The following EHD2 variants were observed in gnomAD, a reference collection of about 807,000 sequenced individuals.
EHD2 encodes the protein EH domain-containing protein 2.
EHD2 carries 27 observed loss-of-function variants against 41.0 expected under a neutral mutation model. That is an observed-to-expected ratio of 0.66 (90% confidence interval 0.49 to 0.91). EHD2 has a LOEUF of 0.91. Among genes scored for constraint, EHD2 ranks in the 40% least tolerant of loss-of-function variants. The pLI, the probability that EHD2 is intolerant of heterozygous loss-of-function variation, is 0.00. For synonymous variants in EHD2, 342 were observed against 341.0 expected, an observed-to-expected ratio of 1.00 and a Z score of -0.03; for missense variants, 673 against 773.9, an observed-to-expected ratio of 0.87 and a Z score of 1.55.
intron 2 of EHD2, among the ~76,000 whole-genome samples, chr19:47,717,742 A>G (rs924571125): frequency 6.6e-6 from 1 of 151,148 alleles, no homozygotes; most frequent in African/African-American, 2.4e-5. Context: ...CCCCGTCTCT[A>G]CCAAAAACAC....
chr19:47,716,693 G>T lies in EHD2; in HGVS notation c.81G>T (p.Glu27Asp), dbSNP rs1484531464. The change falls in exon 2 of 6, where the codon GAG becomes GAT. Residue 27 changes from glutamate (E) to aspartate (D), a missense_variant. By Grantham distance (45) the Glu-to-Asp change is conservative. Transcript: ENST00000263277. The part of the protein sequence containing the change: ...AIRTVTSALK[E>D]LYRTKLLPLE... ...GCACGGTGACCTCGGCCCTCAAGGA[G>T]CTGTACCGCACGAAGCTGCTGCCGC... 6.2e-7 allele frequency: 1 copy of T among 1,611,628 alleles called. No homozygotes were observed. Among genetic ancestry groups the T allele is most frequent in the Admixed American group, 1.7e-5 (1 of 59,816 alleles).
chr19:47,729,305 T>C (rs1973784378), intron 4 of EHD2, among the ~76,000 whole-genome samples: 1 of 152,018 alleles, frequency 6.6e-6, no homozygotes, highest in African/African-American at 2.4e-5. Context: ...GTGGCTGAGA[T>C]CAGAGGTGGT....
chr19:47,722,009 A>AACACACAC (rs201572396), intron 3 of EHD2, among the ~76,000 whole-genome samples: 275 of 130,732 alleles, frequency 2.1e-3, no homozygotes, highest in Non-Finnish European at 3.1e-3. Context: ...AGAAAAACAA[A>AACACACAC]ACACACACAC....
At position 47,741,423 on chromosome 19, in the gene EHD2, C is replaced by T. The variant is rs199573953; in HGVS notation, c.1623C>T (p.Ser541=). 3.1e-3 allele frequency: 4,789 copies of T among 1,541,008 alleles called. 8 individuals are homozygous for T. Among genetic ancestry groups the T allele is most frequent in the Non-Finnish European group, 3.9e-3 (4,520 of 1,157,598 alleles). ...VPPSKRRHKG[S]AE ...CCTCCAAGCGACGCCACAAGGGCTCCGCCGAGTGAGCCGGCCCCCCTCCCA... is the reference window on the plus strand; with the variant it reads ...CCTCCAAGCGACGCCACAAGGGCTCTGCCGAGTGAGCCGGCCCCCCTCCCA... The change falls in exon 6 of 6, where the codon TCC becomes TCT. Residue 541 remains serine, a synonymous_variant. Coordinates refer to ENST00000263277, the MANE Select transcript of EHD2 (RefSeq NM_014601.4). This position sits in a 1 kb window ranked among gnomAD's most constrained non-coding sequence, Gnocchi z 4.5.
intron 4 of EHD2, among the ~76,000 whole-genome samples, chr19:47,728,492 T>TTCTCC (rs1445496294): frequency 2.0e-5 from 3 of 152,062 alleles, no homozygotes; most frequent in Non-Finnish European, 2.9e-5. Flanking sequence ...CTTTCCTTTC[T>TTCTCC]TCTCCTCTCC....
chr19:47,731,785 ATTTTT>A lies in EHD2; in HGVS notation c.916-4568_916-4564del, dbSNP rs35766063. ...TTGTGTGTCTTTCCAGATATACTGC[ATTTTT>A]TTTTTTTTTTTTTTTGAGACGGAGT... On this transcript the variant is annotated intron_variant, in intron 4 of 5. Transcript: ENST00000263277. 2.7e-5 allele frequency among the ~76,000 whole-genome samples: 3 copies of A among 112,816 alleles called. No homozygotes were observed. In the East Asian group the frequency reaches 8.1e-4, roughly 30 times the overall value. 74.0% of individuals were successfully genotyped at this position (112,816 alleles called of 152,430 possible).
intron 5 of EHD2, 100 bp downstream of exon 5, chr19:47,736,633 C>A: frequency 7.4e-7 from 1 of 1,358,354 alleles, no homozygotes; most frequent in Non-Finnish European, 9.9e-7. Context: ...GGATGGATGG[C>A]AGGTTCTGGA....
intron 1 of EHD2, 35 bp from the exon 2 acceptor site, chr19:47,716,523 G>A: frequency 7.1e-7 from 1 of 1,399,636 alleles, no homozygotes. Flanking sequence ...CCTTGGCTGG[G>A]CCGCCTATGC....
At chr19:47,726,561 C>A (rs1268101513) in intron 4 of EHD2, among the ~76,000 whole-genome samples, 1 of 151,300 alleles carries the variant, frequency 6.6e-6, no homozygotes, top group East Asian at 1.9e-4. Context: ...TCTCCCTCCT[C>A]CTCCTCCTTC....
In EHD2 at chr19:47,740,941, G is replaced by A. The variant is rs1274430440; in HGVS notation, c.1141G>A (p.Ala381Thr). The A allele has an allele frequency of 6.2e-7, 1 of 1,612,960 alleles. No individual in the cohort carries two copies. The highest frequency in any genetic ancestry group is 8.5e-7 in the Non-Finnish European group (1 of 1,179,842). ...CTCGCTGAAGCCGAAGCTGCTAGAGGCACTGGACGAGATGCTGACGCACGA... is the reference window on the plus strand; with the variant it reads ...CTCGCTGAAGCCGAAGCTGCTAGAGACACTGGACGAGATGCTGACGCACGA... ...FHSLKPKLLEALDEMLTHDIA... is the reference protein window; with the variant it reads ...FHSLKPKLLETLDEMLTHDIA... The change falls in exon 6 of 6, where the codon GCA (alanine) becomes ACA (threonine). Residue 381 changes from alanine to threonine, a missense_variant. Coordinates refer to ENST00000263277, the MANE Select transcript of EHD2 (RefSeq NM_014601.4).
At chr19:47,739,528 G>A (rs1166540585) in intron 5 of EHD2, among the ~76,000 whole-genome samples, 1 of 146,814 alleles carries the variant, frequency 6.8e-6, no homozygotes, top group Admixed American at 6.9e-5. Flanking sequence ...TTGAACCCAT[G>A]AGACGGAGGT....
intron 1 of EHD2, among the ~76,000 whole-genome samples, chr19:47,714,977 GC>G (rs1362390269): frequency 6.6e-6 from 1 of 151,934 alleles, no homozygotes; most frequent in Non-Finnish European, 1.5e-5. Flanking sequence ...GGTGAAGGCT[GC>G]AGTGAGCTGA....
At position 47,716,564 on chromosome 19, in the gene EHD2, C is replaced by A. The variant is rs995033892; in HGVS notation, c.-49C>A. ...CCCTCTCCCCCTCCCACAGGCAGCTCTCCATCTGCACGTCTCTCCGTGAAC... is the reference window on the plus strand; with the variant it reads ...CCCTCTCCCCCTCCCACAGGCAGCTATCCATCTGCACGTCTCTCCGTGAAC... On this transcript the variant is annotated 5_prime_UTR_variant, in exon 2 of 6. Coordinates refer to ENST00000263277, the MANE Select transcript of EHD2 (RefSeq NM_014601.4). The A allele has an allele frequency of 1.7e-5, 24 of 1,450,086 alleles. No homozygotes were observed. Among genetic ancestry groups the A allele is most frequent in the Non-Finnish European group, 2.1e-5 (23 of 1,104,050 alleles). 89.8% of individuals were successfully genotyped at this position (1,450,086 alleles called of 1,614,324 possible).
At chr19:47,714,357 C>T (rs1045046538) in intron 1 of EHD2, among the ~76,000 whole-genome samples, 4 of 152,156 alleles carry the variant, frequency 2.6e-5, no homozygotes, top group Admixed American at 2.6e-4. Context: ...AGACTCCCAT[C>T]TCACCAAAAG....
rs1973672083 is a variant in EHD2, at chr19:47,719,476, A to G, written c.502+870A>G. Among the ~76,000 whole-genome samples the G allele has an allele frequency of 6.6e-6, 1 of 151,804 alleles. No individual in the cohort carries two copies. Among genetic ancestry groups the G allele is most frequent in the Non-Finnish European group, 1.5e-5 (1 of 67,914 alleles). ...GGGCCTCCGGGCGTGCTGAGCCCTC[A>G]CCACCCCTGCCCAGCCCAGCTCAGC... On this transcript the variant is annotated intron_variant, in intron 3 of 5. Coordinates refer to ENST00000263277, the MANE Select transcript of EHD2 (RefSeq NM_014601.4). This position sits in a 1 kb window ranked among gnomAD's most constrained non-coding sequence, Gnocchi z 4.1.
In EHD2 at chr19:47,742,854, G is replaced by A. The variant is rs1967006401; in HGVS notation, c.*1422G>A. On this transcript the variant is annotated 3_prime_UTR_variant, in exon 6 of 6. Transcript: ENST00000263277. ...GCTTTATTTTAGTCTCCTTTTCAGG[G>A]ATGTCGTGGGCGGGGGAGGGGGTTC... The A allele has an allele frequency of 6.6e-6, 1 of 152,188 alleles. No homozygotes were observed. The highest frequency in any genetic ancestry group is 2.4e-5 in the African/African-American group (1 of 41,270). The allele number at this position is 152,188 out of a possible 1,614,324, so 9.4% of individuals were successfully genotyped here.
chr19:47,730,597 C>A (rs1973798299), intron 4 of EHD2, among the ~76,000 whole-genome samples: 1 of 152,122 alleles, frequency 6.6e-6, no homozygotes, highest in Non-Finnish European at 1.5e-5. Context: ...AGATACCAGG[C>A]CTTCCTGGAC....
In EHD2 at chr19:47,742,922, G is replaced by C. The variant is rs544048055; in HGVS notation, c.*1490G>C. ...TCCCCACCCCTAAAGGGACGCCGAC[G>C]CTGTTTGCTGCCTTCACCACATATT... On this transcript the variant is annotated 3_prime_UTR_variant, in exon 6 of 6. Coordinates refer to ENST00000263277, the MANE Select transcript of EHD2 (RefSeq NM_014601.4). 1 of 152,646 alleles carries C rather than the reference G, an allele frequency of 6.6e-6. No individual in the cohort carries two copies. Among genetic ancestry groups the C allele is most frequent in the African/African-American group, 2.4e-5 (1 of 41,440 alleles). The allele number at this position is 152,646 out of a possible 1,614,324, so 9.5% of individuals were successfully genotyped here.
intron 3 of EHD2, among the ~76,000 whole-genome samples, chr19:47,721,528 C>G (rs568027943): frequency 6.6e-6 from 1 of 151,838 alleles, no homozygotes; most frequent in African/African-American, 2.4e-5. Context: ...CTTAGCCAGG[C>G]AGGTCTTGAA....
Sources: allele counts gnomAD v4.1 joint callset (sites outside exome capture counted in the v4.1 genomes callset), GRCh38; gene constraint gnomAD v4.1.1; non-coding constraint Gnocchi (gnomAD v3.1); transcripts MANE v1.5; gene names NCBI Gene and HGNC (gene_info 2026-07-23, HGNC 2026-07-21).